Variants in GPR107 observed in about 807,000 individuals in gnomAD.
GPR107 encodes the protein protein GPR107.
GPR107 carries 31 observed loss-of-function variants against 75.5 expected under a neutral mutation model. The observed-to-expected ratio is 0.41, with a 90% CI of 0.31 to 0.55. The LOEUF is 0.55. Among genes scored for constraint, GPR107 ranks in the 20% least tolerant of loss-of-function variants. The probability of loss-of-function intolerance (pLI) is 0.26; values close to 1 mark genes in which losing one functional copy is unlikely to be tolerated. For missense variants in GPR107, 572 were observed against 665.7 expected, an observed-to-expected ratio of 0.86 and a Z score of 1.55; for synonymous variants, 267 against 251.3, an observed-to-expected ratio of 1.06 and a Z score of -0.59.
intron 7 of GPR107, among the ~76,000 whole-genome samples, chr9:130,090,230 T>C (rs1210462053): frequency 1.3e-5 from 2 of 152,240 alleles, no homozygotes; most frequent in Admixed American, 6.5e-5. Flanking sequence ...TAAGTCTGTC[T>C]GTCTTTTGGT....
intron 12 of GPR107, among the ~76,000 whole-genome samples, chr9:130,101,687 C>T (rs1191734815): frequency 6.6e-6 from 1 of 152,154 alleles, no homozygotes; most frequent in Non-Finnish European, 1.5e-5. Flanking sequence ...TGTTTGGGGC[C>T]GAGGGCCAAG....
chr9:130,115,757 C>G (rs1032617654), intron 14 of GPR107, among the ~76,000 whole-genome samples: 21 of 120,764 alleles, frequency 1.7e-4, no homozygotes, highest in Non-Finnish European at 3.3e-4. Flanking sequence ...AGCAAGACTC[C>G]GTCTCAAAAA....
At chr9:130,097,289 G>GGACT (rs908653879) in intron 9 of GPR107, among the ~76,000 whole-genome samples, 7 of 151,464 alleles carry the variant, frequency 4.6e-5, no homozygotes, top group African/African-American at 1.5e-4. Context: ...TGAGTAGCTG[G>GGACT]GACTATAGGC....
intron 17 of GPR107, chr9:130,132,837 A>ATG (rs1831861241): frequency 6.7e-6 from 1 of 150,040 alleles, no homozygotes; most frequent in Non-Finnish European, 1.5e-5. Flanking sequence ...ATTTATATAT[A>ATG]TATACACATA....
At chr9:130,098,171 T>G (rs999505304) in intron 9 of GPR107, among the ~76,000 whole-genome samples, 1 of 152,192 alleles carries the variant, frequency 6.6e-6, no homozygotes, top group African/African-American at 2.4e-5. Context: ...CATGAGCCAC[T>G]GCACCTAGCC....
chr9:130,082,138 G>A (rs577967044), intron 5 of GPR107, among the ~76,000 whole-genome samples: 1 of 152,254 alleles, frequency 6.6e-6, no homozygotes, highest in East Asian at 1.9e-4. Flanking sequence ...CACAAGGAGG[G>A]CACCAGCCAT....
chr9:130,107,662 G>T, intron 14 of GPR107, 123 bp downstream of exon 14: 2 of 760,534 alleles, frequency 2.6e-6, no homozygotes, highest in East Asian at 2.5e-5. Flanking sequence ...GGAGAGCTAG[G>T]GGAGGCCTGG....
chr9:130,079,606 T>C, intron 4 of GPR107, 24 bp from the exon 5 acceptor site: 3 of 1,610,458 alleles, frequency 1.9e-6, no homozygotes, highest in Non-Finnish European at 1.7e-6. Flanking sequence ...TGACCTTTTT[T>C]CCTTCTGTCT....
Position 130,101,190 on chromosome 9 carries a change from C to A in GPR107, c.1098C>A (p.Asp366Glu). 6.3e-7 allele frequency: 1 copy of A among 1,589,108 alleles called. No individual in the cohort carries two copies. Among genetic ancestry groups the A allele is most frequent in the Non-Finnish European group, 8.6e-7 (1 of 1,157,194 alleles). ...TTAAGCACATCCTTTCTGATAAAGA[C>A]AAAAAGATCTTCATGATTGTCATTC... ...AFIKHILSDK[D>E]KKIFMIVIPL... The change falls in exon 12 of 18, where the codon GAC becomes GAA. Residue 366 changes from aspartate to glutamate, a missense_variant. Coordinates refer to ENST00000347136, the MANE Select transcript of GPR107 (RefSeq NM_020960.5).
chr9:130,079,738 T>G lies in GPR107; in HGVS notation c.495T>G (p.Ala165=). 1 of 1,612,730 alleles carries G rather than the reference T, an allele frequency of 6.2e-7. No individual in the cohort carries two copies. Among genetic ancestry groups the G allele is most frequent in the Non-Finnish European group, 8.5e-7 (1 of 1,179,160 alleles). The change falls in exon 5 of 18, where the codon GCT becomes GCG. Residue 165 remains alanine (A), a synonymous_variant. Coordinates refer to ENST00000347136, the MANE Select transcript of GPR107 (RefSeq NM_020960.5). ...GCCAGGAGCCTAATGTTAACCCTGC[T>G]TCAGCAGGCAACCAGACCCAGAAGA... ...GQSQEPNVNP[A]SAGNQTQKTQ...
At chr9:130,092,862 G>T (rs1830775213) in intron 9 of GPR107, among the ~76,000 whole-genome samples, 2 of 152,016 alleles carry the variant, frequency 1.3e-5, no homozygotes, top group Non-Finnish European at 2.9e-5. Flanking sequence ...CTCATGATCT[G>T]CCCACATGGG....
At chr9:130,124,246 T>C (rs1831619639) in intron 14 of GPR107, among the ~76,000 whole-genome samples, 1 of 152,170 alleles carries the variant, frequency 6.6e-6, no homozygotes, top group Non-Finnish European at 1.5e-5. Flanking sequence ...AATGAAAGGA[T>C]TGCTGATCTG....
intron 1 of GPR107, among the ~76,000 whole-genome samples, chr9:130,062,718 CGTCT>C (rs1829962933): frequency 6.8e-6 from 1 of 147,344 alleles, no homozygotes; most frequent in African/African-American, 2.5e-5. Context: ...TCTGTCCATC[CGTCT>C]TTTATTTTTT....
At chr9:130,130,366 G>C (rs930170062) in intron 17 of GPR107, among the ~76,000 whole-genome samples, 2 of 152,198 alleles carry the variant, frequency 1.3e-5, no homozygotes, top group African/African-American at 4.8e-5. Context: ...GAAATGTTTG[G>C]TGTGGGTTCC....
intron 14 of GPR107, among the ~76,000 whole-genome samples, chr9:130,108,071 G>A (rs927265782): frequency 1.2e-4 from 18 of 152,194 alleles, no homozygotes; most frequent in Non-Finnish European, 2.4e-4. Context: ...TTCCAGTCAT[G>A]CCTCCTAAAT....
chr9:130,072,287 C>T (rs1278113172), intron 1 of GPR107, among the ~76,000 whole-genome samples: 10 of 150,060 alleles, frequency 6.7e-5, no homozygotes, highest in Non-Finnish European at 1.3e-4. Context: ...GGCGTGATCT[C>T]GGCTCACTGC....
At chr9:130,074,460 C>T (rs1201084382) in intron 1 of GPR107, among the ~76,000 whole-genome samples, 2 of 152,150 alleles carry the variant, frequency 1.3e-5, no homozygotes, top group African/African-American at 2.4e-5. Context: ...AAAATTGTTA[C>T]ACAACATAAA....
chr9:130,068,623 G>A (rs1033336463), intron 1 of GPR107, among the ~76,000 whole-genome samples: 1 of 152,056 alleles, frequency 6.6e-6, no homozygotes, highest in Admixed American at 6.6e-5. Flanking sequence ...ACTGAAAGCA[G>A]TTTAATATGA....
Position 130,135,975 on chromosome 9 carries a change from T to G in GPR107, c.*854T>G, listed in dbSNP as rs917074589. On this transcript the variant is annotated 3_prime_UTR_variant, in exon 18 of 18. Transcript: ENST00000347136. ...GCACTGTCTGGCTTCCCTTCATGCT[T>G]GTGGCTTTGTTGTGTTTGATCAGAA... The G allele has an allele frequency of 2.6e-5, 4 of 152,390 alleles. No individual in the cohort carries two copies. The East Asian group carries it at 7.7e-4, about 29-fold the overall frequency. The allele number at this position is 152,390 out of a possible 1,614,324, so 9.4% of individuals were successfully genotyped here.
Sources: gnomAD v4.1 joint callset for allele counts (sites outside exome capture counted in the v4.1 genomes callset) on GRCh38, gnomAD v4.1.1 for gene constraint, MANE v1.5 for transcripts, NCBI Gene and HGNC (gene_info 2026-07-23, HGNC 2026-07-21) for gene names.